DIS3L2: variants seen among roughly 807,000 people sequenced by gnomAD.
DIS3L2 encodes DIS3 like 3'-5' exoribonuclease 2, also known as DIS3-like exonuclease 2.
Under a neutral mutation model 97.5 loss-of-function variants are expected in DIS3L2, and 34 were observed. The observed-to-expected ratio is 0.35, with a 90% confidence interval of 0.27 to 0.46. The LOEUF (loss-of-function observed/expected upper bound fraction) is 0.46. DIS3L2 is among the 20% of genes least tolerant of loss of function. The pLI is 1.00. For synonymous variants in DIS3L2, 435 were observed against 445.2 expected, an observed-to-expected ratio of 0.98 and a Z score of 0.29; for missense variants, 1,038 against 1,146.0, an observed-to-expected ratio of 0.91 and a Z score of 1.36.
At chr2:232,307,298 G>A (rs974555838) in intron 14 of DIS3L2, among the ~76,000 whole-genome samples, 2 of 152,242 alleles carry the variant, frequency 1.3e-5, no homozygotes, top group Non-Finnish European at 1.5e-5. Flanking sequence ...TTTAGGAAGG[G>A]AGGGAGCATG....
At chr2:232,230,362 G>A (rs1452239578) in intron 10 of DIS3L2, among the ~76,000 whole-genome samples, 3 of 152,194 alleles carry the variant, frequency 2.0e-5, no homozygotes, top group African/African-American at 7.2e-5. Context: ...GCCCCTCATC[G>A]CTGGTGCCGT....
At chr2:232,015,896 C>G (rs1406212645) in intron 3 of DIS3L2, 4 of 390,860 alleles carry the variant, frequency 1.0e-5, no homozygotes, top group Non-Finnish European at 1.8e-5. Context: ...GAAAAGTGCT[C>G]TGAGATTTGA....
At chr2:232,057,690 G>C (rs1695586324) in intron 5 of DIS3L2, among the ~76,000 whole-genome samples, 1 of 152,094 alleles carries the variant, frequency 6.6e-6, no homozygotes, top group Admixed American at 6.6e-5. Context: ...ACAGCCTTGA[G>C]ATCACCACTA....
intron 6 of DIS3L2, among the ~76,000 whole-genome samples, chr2:232,096,169 C>T (rs11694446): frequency 0.012 from 1,774 of 151,506 alleles, 18 homozygotes; most frequent in Non-Finnish European, 0.016. Context: ...TCACTGGAAG[C>T]GCTGCCTCCT....
intron 12 of DIS3L2, 98 bp downstream of exon 12, chr2:232,249,444 G>T (rs1367112201): frequency 7.8e-7 from 1 of 1,279,666 alleles, no homozygotes; most frequent in Non-Finnish European, 1.1e-6. Flanking sequence ...GGGTGCCATG[G>T]TGGTAAGACA....
chr2:232,077,955 CTCTTTCTT>C (rs538146324), intron 5 of DIS3L2, among the ~76,000 whole-genome samples: 12,517 of 108,528 alleles, frequency 0.12, 810 homozygotes, highest in African/African-American at 0.14. Flanking sequence ...TTCTTTCTTT[CTCTTTCTT>C]TCTTTCTTTC....
chr2:232,172,645 C>T (rs772752629), intron 9 of DIS3L2: 4 of 527,220 alleles, frequency 7.6e-6, no homozygotes, highest in South Asian at 5.7e-5. Flanking sequence ...TTTGGGTATA[C>T]ACCTAGGAGT....
At chr2:232,085,593 A>T (rs1244174490) in intron 5 of DIS3L2, among the ~76,000 whole-genome samples, 1 of 152,212 alleles carries the variant, frequency 6.6e-6, no homozygotes, top group East Asian at 1.9e-4. Flanking sequence ...ATAGATTATT[A>T]AAAAGGATGC....
chr2:232,305,256 T>G (rs997536533), intron 14 of DIS3L2, among the ~76,000 whole-genome samples: 5 of 152,010 alleles, frequency 3.3e-5, no homozygotes, highest in African/African-American at 4.8e-5. Context: ...TTTTGTATTT[T>G]TAGTAGAGAT....
intron 13 of DIS3L2, among the ~76,000 whole-genome samples, chr2:232,280,740 T>C (rs1207259535): frequency 1.3e-5 from 2 of 152,274 alleles, no homozygotes; most frequent in South Asian, 4.2e-4. Context: ...CCAAGCTACA[T>C]AGAGGCCCTC....
chr2:232,111,094 C>T (rs988579097), intron 6 of DIS3L2: 7 of 390,870 alleles, frequency 1.8e-5, no homozygotes, highest in Non-Finnish European at 3.7e-5. Flanking sequence ...AAAAATACTT[C>T]AAAATGTGAG....
At chr2:232,148,269 G>A (rs930661683) in intron 8 of DIS3L2, among the ~76,000 whole-genome samples, 8 of 151,906 alleles carry the variant, frequency 5.3e-5, no homozygotes, top group African/African-American at 1.9e-4. Flanking sequence ...GGATAGTCTC[G>A]ATCTCTTGAC....
intron 4 of DIS3L2, 134 bp from the exon 5 acceptor site, chr2:232,029,845 G>A (rs1020743962): frequency 1.6e-6 from 1 of 631,540 alleles, no homozygotes; most frequent in Non-Finnish European, 2.7e-6. Flanking sequence ...GTATCAGCAT[G>A]CTTTATTTAA....
chr2:231,966,172 T>TTC (rs1692707593), intron 1 of DIS3L2, among the ~76,000 whole-genome samples: 2 of 79,776 alleles, frequency 2.5e-5, no homozygotes, highest in African/African-American at 3.3e-4. Flanking sequence ...CTTCTTCTTC[T>TTC]TTTTTTTTTT....
At chr2:232,002,719 C>T (rs1693943810) in intron 1 of DIS3L2, among the ~76,000 whole-genome samples, 1 of 152,074 alleles carries the variant, frequency 6.6e-6, no homozygotes, top group South Asian at 2.1e-4. Context: ...AAGTGTTATT[C>T]CACATCCATT....
chr2:232,221,213 G>A (rs1692497756), intron 10 of DIS3L2, among the ~76,000 whole-genome samples: 1 of 152,012 alleles, frequency 6.6e-6, no homozygotes, highest in Admixed American at 6.6e-5. Context: ...TCAGAAATCA[G>A]GTGACAGTTT....
intron 16 of DIS3L2, among the ~76,000 whole-genome samples, 174 bp downstream of exon 16, chr2:232,330,950 C>T (rs567460232): frequency 1.3e-5 from 2 of 152,354 alleles, no homozygotes; most frequent in Admixed American, 1.3e-4. Flanking sequence ...CGACCCCAGG[C>T]AGCACCTAGG....
At chr2:232,255,090 CACTGG>C (rs1229812172) in intron 12 of DIS3L2, among the ~76,000 whole-genome samples, 1 of 152,222 alleles carries the variant, frequency 6.6e-6, no homozygotes, top group Non-Finnish European at 1.5e-5. Context: ...TTCCTCAAGA[CACTGG>C]CAAGGAAAGC....
At chr2:232,216,151 G>A (rs963982023) in intron 10 of DIS3L2, among the ~76,000 whole-genome samples, 2 of 151,258 alleles carry the variant, frequency 1.3e-5, no homozygotes, top group East Asian at 1.9e-4. Context: ...CTCACTTCCC[G>A]TTGCTTTCTC....
Sources: allele counts gnomAD v4.1 joint callset (sites outside exome capture counted in the v4.1 genomes callset), GRCh38; gene constraint gnomAD v4.1.1; transcripts MANE v1.5; gene names NCBI Gene and HGNC (gene_info 2026-07-23, HGNC 2026-07-21).